The following PTPRT variants were observed in gnomAD, a reference collection of about 807,000 sequenced individuals.
PTPRT encodes the protein protein tyrosine phosphatase receptor type T.
PTPRT carries 56 observed loss-of-function variants against 176.8 expected under a neutral mutation model. The ratio of observed to expected loss-of-function variants is 0.32; its 90% CI spans 0.26 to 0.40. The LOEUF (loss-of-function observed/expected upper bound fraction) is 0.40. Ranked by LOEUF, PTPRT falls within the 10% of genes least tolerant of loss-of-function variation. The probability of loss-of-function intolerance (pLI) is 1.00; values close to 1 mark genes in which losing one functional copy is unlikely to be tolerated. For missense variants in PTPRT, 1,540 were observed against 1,908.2 expected (o/e 0.81, Z 3.60); for synonymous variants, 783 against 739.0 (o/e 1.06, Z -0.96).
intron 2 of PTPRT, among the ~76,000 whole-genome samples, chr20:42,853,151 T>A (rs2078505021): frequency 6.6e-6 from 1 of 152,210 alleles, no homozygotes; most frequent in Non-Finnish European, 1.5e-5. Flanking sequence ...CTCATGTGGC[T>A]TGGCCCTGAG....
chr20:42,809,376 T>C (rs920183643), intron 2 of PTPRT, among the ~76,000 whole-genome samples: 2 of 152,172 alleles, frequency 1.3e-5, no homozygotes, highest in Non-Finnish European at 2.9e-5. Context: ...TCAGGATGGC[T>C]GCTCTTCACT....
intron 1 of PTPRT, among the ~76,000 whole-genome samples, chr20:42,890,280 T>C (rs1470127100): frequency 6.6e-6 from 1 of 152,164 alleles, no homozygotes; most frequent in Non-Finnish European, 1.5e-5. Context: ...GGGAGATTTT[T>C]AGGCAACTTT....
intron 16 of PTPRT, among the ~76,000 whole-genome samples, chr20:42,185,190 G>C (rs2146611598): frequency 6.6e-6 from 1 of 152,238 alleles, no homozygotes; most frequent in Non-Finnish European, 1.5e-5. Context: ...TCATCTCCCA[G>C]AACCTCCTCA....
At chr20:42,581,461 C>A (rs1445092428) in intron 7 of PTPRT, among the ~76,000 whole-genome samples, 2 of 151,438 alleles carry the variant, frequency 1.3e-5, no homozygotes, top group African/African-American at 4.9e-5. Context: ...ACCTAGTAAG[C>A]AGCTGACACA....
At chr20:43,062,661 A>G (rs1348648477) in intron 1 of PTPRT, among the ~76,000 whole-genome samples, 1 of 152,216 alleles carries the variant, frequency 6.6e-6, no homozygotes, top group African/African-American at 2.4e-5. Context: ...TGTAGATGAA[A>G]GAATTCATGT....
intron 9 of PTPRT, among the ~76,000 whole-genome samples, chr20:42,353,944 A>G (rs897986651): frequency 6.6e-6 from 1 of 152,130 alleles, no homozygotes; most frequent in Non-Finnish European, 1.5e-5. Context: ...AGTCCCAGCT[A>G]TTCAGGGGCT....
At chr20:42,539,570 C>T (rs2072540905) in intron 7 of PTPRT, among the ~76,000 whole-genome samples, 1 of 150,012 alleles carries the variant, frequency 6.7e-6, no homozygotes, top group Non-Finnish European at 1.5e-5. Context: ...GAGAAAGCAT[C>T]AAACATGAAA....
chr20:43,090,839 T>C (rs780313221), intron 1 of PTPRT, among the ~76,000 whole-genome samples: 26 of 150,416 alleles, frequency 1.7e-4, no homozygotes, highest in Non-Finnish European at 2.5e-4. Context: ...CAGGAGGAAA[T>C]AATTACCAAA....
At chr20:42,062,946 C>T in the PTPRT span, among the ~76,000 whole-genome samples, 1 of 152,268 alleles carries the variant, frequency 6.6e-6, no homozygotes, top group Non-Finnish European at 1.5e-5. Flanking sequence ...GTTCAGCCAG[C>T]ATCCTGGAGG....
rs866734950 is a variant in PTPRT at position 42,619,436 on chromosome 20, G to A, written c.1153+58430C>T. Among the ~76,000 whole-genome samples, 1,072 of 122,382 alleles carry A rather than the reference G, an allele frequency of 8.8e-3. 39 individuals carry two copies. The highest frequency in any genetic ancestry group is 0.033 in the Middle Eastern group (9 of 270). The allele number at this position is 122,382 out of a possible 152,430, so 80.3% of individuals were successfully genotyped here. A position where few individuals can be genotyped will look rare whatever the true frequency, so the allele number is the denominator to read the frequency against. ...TATGTGTCTTGGAGTTGCTCTTCTC[G>A]AGGAGTATCTTTGTGGCATTCTCTG... On this transcript the variant is annotated intron_variant, in intron 7 of 30. Coordinates refer to ENST00000373187, the MANE Select transcript of PTPRT (RefSeq NM_007050.6).
chr20:42,714,228 T>A (rs1347489630), intron 6 of PTPRT, among the ~76,000 whole-genome samples: 1 of 152,116 alleles, frequency 6.6e-6, no homozygotes, highest in Non-Finnish European at 1.5e-5. Context: ...CTAAGAATCA[T>A]GTGGAATAGA....
At chr20:42,663,484 G>A (rs1283451722) in intron 7 of PTPRT, among the ~76,000 whole-genome samples, 1 of 152,112 alleles carries the variant, frequency 6.6e-6, no homozygotes, top group Non-Finnish European at 1.5e-5. Flanking sequence ...GTGTGGAAGG[G>A]CCCAGGTCCA....
At chr20:42,622,236 T>G (rs1486878186) in intron 7 of PTPRT, among the ~76,000 whole-genome samples, 3 of 148,976 alleles carry the variant, frequency 2.0e-5, no homozygotes, top group Non-Finnish European at 4.4e-5. Context: ...TTTTTCTCTA[T>G]GGACTTAAAT....
chr20:42,936,215 T>C (rs1412745123), intron 1 of PTPRT, among the ~76,000 whole-genome samples: 1 of 151,592 alleles, frequency 6.6e-6, no homozygotes, highest in Non-Finnish European at 1.5e-5. Flanking sequence ...GGGGAAGGGG[T>C]GGGGGCACAG....
intron 1 of PTPRT, among the ~76,000 whole-genome samples, chr20:43,079,461 T>C (rs1345043865): frequency 6.6e-6 from 1 of 152,190 alleles, no homozygotes; most frequent in Non-Finnish European, 1.5e-5. Context: ...ATTGCACCTA[T>C]GTTAAATATA....
At chr20:42,957,597 A>T (rs2146032312) in intron 1 of PTPRT, among the ~76,000 whole-genome samples, 1 of 152,260 alleles carries the variant, frequency 6.6e-6, no homozygotes. Flanking sequence ...ATGCTACCTA[A>T]CAGAGACAAA....
intron 9 of PTPRT, among the ~76,000 whole-genome samples, chr20:42,393,901 G>T (rs547755405): frequency 2.4e-4 from 37 of 152,254 alleles, no homozygotes; most frequent in Admixed American, 5.9e-4. Flanking sequence ...GATATCAACA[G>T]AATTGCATGG....
In PTPRT at chr20:42,081,465, C is replaced by T. The variant is rs191817015; in HGVS notation, c.4272+417G>A. On this transcript the variant is annotated intron_variant, in intron 30 of 30. Transcript: ENST00000373187. ...TATCACCCGGGGCTCTGCCCACACA[C>T]TCTCTTTATCACACTTTCCTCCATA... Among the ~76,000 whole-genome samples the T allele has an allele frequency of 1.6e-3, 249 of 152,318 alleles. 1 individual carries two copies. Among genetic ancestry groups the T allele is most frequent in the Middle Eastern group, 0.01 (3 of 294 alleles).
chr20:42,937,351 G>A (rs897031722), intron 1 of PTPRT, among the ~76,000 whole-genome samples: 6 of 152,078 alleles, frequency 3.9e-5, no homozygotes, highest in South Asian at 2.1e-4. Context: ...TCTTTCCCAC[G>A]TGTGCCTGTG....
Sources: allele counts gnomAD v4.1 joint callset (sites outside exome capture counted in the v4.1 genomes callset), GRCh38; gene constraint gnomAD v4.1.1; transcripts MANE v1.5; gene names NCBI Gene and HGNC (gene_info 2026-07-23, HGNC 2026-07-21).